SSH1: variants seen among roughly 807,000 people sequenced by gnomAD.
The protein encoded by SSH1 is slingshot protein phosphatase 1.
In SSH1, 43 loss-of-function variants were observed where a neutral mutation model predicts 79.7. The observed-to-expected ratio is 0.54, with a 90% CI of 0.42 to 0.70. SSH1 has a LOEUF of 0.70. Ranked by LOEUF, SSH1 falls within the 30% of genes least tolerant of loss-of-function variation. The probability of loss-of-function intolerance (pLI) is 0.00; values close to 1 mark genes in which losing one functional copy is unlikely to be tolerated. For synonymous variants in SSH1, 599 were observed against 538.3 expected (o/e 1.11, Z -1.56); for missense variants, 1,206 against 1,358.8 (o/e 0.89, Z 1.77).
In SSH1 at chr12:108,857,032, C is replaced by G. The variant is rs978291459; in HGVS notation, c.69+396G>C. 1.3e-5 allele frequency among the ~76,000 whole-genome samples: 2 copies of G among 152,248 alleles called. No homozygotes were observed. Among genetic ancestry groups the G allele is most frequent in the Non-Finnish European group, 2.9e-5 (2 of 68,046 alleles). ...GAGGTCACATCTGCACACACAGTCTCTGCACAGTCACCCTTAGGGGTCACA... is the reference window on the plus strand; with the variant it reads ...GAGGTCACATCTGCACACACAGTCTGTGCACAGTCACCCTTAGGGGTCACA... On this transcript the variant is annotated intron_variant, in intron 1 of 14. Coordinates refer to ENST00000326495, the MANE Select transcript of SSH1 (RefSeq NM_018984.4). This position sits in a 1 kb window ranked among gnomAD's most constrained non-coding sequence, Gnocchi z 4.7.
Position 108,807,718 on chromosome 12 carries a change from A to C in SSH1, c.646T>G (p.Ser216Ala), listed in dbSNP as rs767362852. Residue 216 changes from serine to alanine, a missense_variant, in exon 8 of 15, where the codon TCC (serine) becomes GCC (alanine). Coordinates refer to ENST00000326495, the MANE Select transcript of SSH1 (RefSeq NM_018984.4). This position sits in a 1 kb window ranked among gnomAD's most constrained non-coding sequence, Gnocchi z 5.2. ...WATYYESCISSEQSCINEWNA... is the reference protein window; with the variant it reads ...WATYYESCISAEQSCINEWNA... ...CACTCGTTGATGCAGCTCTGCTCGGAGCTGATGCAGCTCTCATAGTAGGTA... is the reference window on the plus strand; with the variant it reads ...CACTCGTTGATGCAGCTCTGCTCGGCGCTGATGCAGCTCTCATAGTAGGTA... The C allele has an allele frequency of 2.5e-6, 4 of 1,613,044 alleles. No homozygotes were observed. In the African/African-American group the frequency reaches 5.4e-5, roughly 22 times the overall value.
At chr12:108,837,464 T>G (rs1413402479) in intron 2 of SSH1, among the ~76,000 whole-genome samples, 2 of 152,184 alleles carry the variant, frequency 1.3e-5, no homozygotes, top group Admixed American at 1.3e-4. Flanking sequence ...ATGGCTGTGT[T>G]GCGGTTCTGT....
intron 13 of SSH1, among the ~76,000 whole-genome samples, chr12:108,797,218 C>A (rs982141301): frequency 6.6e-6 from 1 of 152,152 alleles, no homozygotes; most frequent in Non-Finnish European, 1.5e-5. Context: ...CCTCTGCCCC[C>A]TGGGCTCAAG....
At chr12:108,840,843 G>A (rs1399479668) in intron 2 of SSH1, among the ~76,000 whole-genome samples, 1 of 152,206 alleles carries the variant, frequency 6.6e-6, no homozygotes, top group Non-Finnish European at 1.5e-5. Flanking sequence ...CCAGCAGAGG[G>A]TCACTTCCTC....
chr12:108,839,575 C>G (rs2038725779), intron 2 of SSH1, among the ~76,000 whole-genome samples: 1 of 152,190 alleles, frequency 6.6e-6, no homozygotes, highest in African/African-American at 2.4e-5. Flanking sequence ...CCAGGAATGA[C>G]TTCTGTGGGC....
intron 2 of SSH1, among the ~76,000 whole-genome samples, chr12:108,826,943 G>A (rs2038332820): frequency 6.6e-6 from 1 of 151,766 alleles, no homozygotes; most frequent in East Asian, 1.9e-4. Flanking sequence ...AAGGTCAGAC[G>A]CAGACAGACA....
chr12:108,789,664 G>A (rs2136964908), intron 14 of SSH1, among the ~76,000 whole-genome samples: 1 of 152,238 alleles, frequency 6.6e-6, no homozygotes, highest in South Asian at 2.1e-4. Flanking sequence ...CTCCGCGGAG[G>A]GAAGGCTTCC....
intron 4 of SSH1, 194 bp from the exon 5 acceptor site, chr12:108,817,353 C>T: frequency 4.6e-6 from 3 of 655,828 alleles, no homozygotes; most frequent in South Asian, 3.3e-5. Flanking sequence ...GTAGGCAGAT[C>T]ACTTGAGGTC....
rs996008989 is a variant in SSH1 at position 108,785,967 on chromosome 12, C to T, written c.*2021G>A. On this transcript the variant is annotated 3_prime_UTR_variant, in exon 15 of 15. Transcript: ENST00000326495. ...CCTTTTAAGGTGATTTTAATTGACA[C>T]TAGTGGGAAAACAGCTCCCTATAAA... 6.6e-6 allele frequency: 1 copy of T among 152,134 alleles called. No homozygotes were observed. The highest frequency in any genetic ancestry group is 2.4e-5 in the African/African-American group (1 of 41,438). 9.4% of individuals were successfully genotyped at this position (152,134 alleles called of 1,614,324 possible).
chr12:108,844,340 A>G (rs1462683692), intron 2 of SSH1, among the ~76,000 whole-genome samples: 1 of 152,182 alleles, frequency 6.6e-6, no homozygotes, highest in African/African-American at 2.4e-5. Flanking sequence ...GGGCAAATCC[A>G]AGAGACACTA....
chr12:108,854,344 G>A (rs2039102817), intron 1 of SSH1, among the ~76,000 whole-genome samples: 1 of 152,190 alleles, frequency 6.6e-6, no homozygotes, highest in Non-Finnish European at 1.5e-5. Context: ...ATGAAAATTA[G>A]TCACTTTGAA....
At chr12:108,828,399 C>A (rs944173787) in intron 2 of SSH1, among the ~76,000 whole-genome samples, 4 of 152,294 alleles carry the variant, frequency 2.6e-5, no homozygotes, top group African/African-American at 7.2e-5. Flanking sequence ...ACCTGCTTAA[C>A]CCCTGTTAAG....
At chr12:108,821,496 T>C (rs141441064) in intron 3 of SSH1, among the ~76,000 whole-genome samples, 246 of 152,238 alleles carry the variant, frequency 1.6e-3, no homozygotes, top group Non-Finnish European at 2.5e-3. Context: ...GTTACCCATA[T>C]ATATATACAG....
intron 5 of SSH1, among the ~76,000 whole-genome samples, chr12:108,813,352 G>A (rs2037714896): frequency 6.6e-6 from 1 of 152,072 alleles, no homozygotes; most frequent in African/African-American, 2.4e-5. Context: ...CTTCACCAAT[G>A]GCAAAACACT....
At chr12:108,818,207 T>TA (rs760229770) in intron 4 of SSH1, 42 bp downstream of exon 4, 59 of 1,575,318 alleles carry the variant, frequency 3.7e-5, no homozygotes, top group South Asian at 5.5e-5. Flanking sequence ...TCACAAAAAT[T>TA]AAAAAAAAAT....
chr12:108,796,876 G>C (rs2137010570), intron 13 of SSH1, among the ~76,000 whole-genome samples: 1 of 152,064 alleles, frequency 6.6e-6, no homozygotes, highest in East Asian at 1.9e-4. Flanking sequence ...CTGAGTAGCT[G>C]GGATTACAGG....
In SSH1 at chr12:108,799,169, T is replaced by C. The variant is rs1211952350; in HGVS notation, c.1180A>G (p.Lys394Glu). The C allele has an allele frequency of 6.2e-7, 1 of 1,614,114 alleles. No individual in the cohort carries two copies. Among genetic ancestry groups the C allele is most frequent in the Non-Finnish European group, 8.5e-7 (1 of 1,179,990 alleles). Reference protein sequence around the residue: ...RNHSKCLVHCKMGVSRSASTV... With the variant: ...RNHSKCLVHCEMGVSRSASTV... ...GAGGCCGAGCGACTCACGCCCATTT[T>C]GCAATGCACCAGGCACTTGGAATGG... Residue 394 changes from lysine to glutamate, a missense_variant, in exon 13 of 15, where the codon AAA (lysine) becomes GAA (glutamate). Around this residue, in one of 5 missense-constraint regions of SSH1, gnomAD observed 166 missense variants for 262.9 expected, o/e 0.63. Transcript: ENST00000326495.
At chr12:108,816,926 A>G in intron 5 of SSH1, 112 bp downstream of exon 5, 2 of 1,541,610 alleles carry the variant, frequency 1.3e-6, no homozygotes, top group Non-Finnish European at 1.8e-6. Flanking sequence ...CAGGCTCTCC[A>G]TCAGGACGCA....
chr12:108,832,274 G>A (rs1308271170), intron 2 of SSH1, among the ~76,000 whole-genome samples: 1 of 151,868 alleles, frequency 6.6e-6, no homozygotes, highest in Non-Finnish European at 1.5e-5. Flanking sequence ...TCCAGCCTGG[G>A]AGACAGAGGG....
Sources: gnomAD v4.1 joint callset for allele counts (sites outside exome capture counted in the v4.1 genomes callset) on GRCh38, gnomAD v4.1.1 for gene constraint, gnomAD v4.1.1 regional missense constraint, Gnocchi (gnomAD v3.1) non-coding constraint, MANE v1.5 for transcripts, NCBI Gene and HGNC (gene_info 2026-07-23, HGNC 2026-07-21) for gene names.